Variants in RAB3C observed in about 807,000 individuals in gnomAD.
The protein encoded by RAB3C is RAB3C, member RAS oncogene family.
RAB3C carries 17 observed loss-of-function variants against 26.4 expected under a neutral mutation model. The ratio of observed to expected loss-of-function variants is 0.64; its 90% confidence interval spans 0.44 to 0.97. The LOEUF (loss-of-function observed/expected upper bound fraction) is 0.97, where lower values mean the gene tolerates loss of function less well. Ranked by LOEUF, RAB3C falls within the 50% of genes least tolerant of loss-of-function variation. The pLI is 0.00. For synonymous variants in RAB3C, 91 were observed against 95.9 expected, an observed-to-expected ratio of 0.95 and a Z score of 0.30; for missense variants, 242 against 281.9, an observed-to-expected ratio of 0.86 and a Z score of 1.01.
At chr5:58,651,456 G>T (rs1747646778) in intron 2 of RAB3C, among the ~76,000 whole-genome samples, 3 of 152,130 alleles carry the variant, frequency 2.0e-5, no homozygotes, top group Admixed American at 2.0e-4. Flanking sequence ...TAATACATTA[G>T]CATGAAATGT....
intron 3 of RAB3C, among the ~76,000 whole-genome samples, chr5:58,806,931 G>A (rs1742953544): frequency 1.3e-5 from 2 of 152,202 alleles, no homozygotes; most frequent in Admixed American, 1.3e-4. Flanking sequence ...CCATATGCCA[G>A]TGTCAAAGGA....
chr5:58,605,231 C>G (rs900409230), intron 1 of RAB3C, among the ~76,000 whole-genome samples: 1 of 152,120 alleles, frequency 6.6e-6, no homozygotes, highest in Non-Finnish European at 1.5e-5. Flanking sequence ...CTCAGAATTG[C>G]TGTTTTTTTC....
intron 2 of RAB3C, among the ~76,000 whole-genome samples, chr5:58,622,017 A>C (rs1046075498): frequency 6.6e-6 from 1 of 152,176 alleles, no homozygotes; most frequent in Non-Finnish European, 1.5e-5. Flanking sequence ...GATTTGCAAC[A>C]GTCTACATTC....
chr5:58,798,969 A>G (rs1249998741), intron 3 of RAB3C, among the ~76,000 whole-genome samples: 2 of 152,224 alleles, frequency 1.3e-5, no homozygotes, highest in Non-Finnish European at 2.9e-5. Context: ...AAACTGAAAG[A>G]CTGCTGAGAC....
At chr5:58,686,927 C>G (rs1006416405) in intron 2 of RAB3C, among the ~76,000 whole-genome samples, 1 of 151,968 alleles carries the variant, frequency 6.6e-6, no homozygotes, top group African/African-American at 2.4e-5. Flanking sequence ...GCAACGTTAC[C>G]AACTTTGATA....
intron 2 of RAB3C, among the ~76,000 whole-genome samples, chr5:58,673,984 T>C (rs1029273843): frequency 1.3e-5 from 2 of 152,200 alleles, no homozygotes; most frequent in African/African-American, 4.8e-5. Context: ...AATCAATAAT[T>C]GTTAAAGTAC....
At chr5:58,598,299 A>G (rs1178801060) in intron 1 of RAB3C, among the ~76,000 whole-genome samples, 1 of 151,124 alleles carries the variant, frequency 6.6e-6, no homozygotes, top group Non-Finnish European at 1.5e-5. Flanking sequence ...GATTCCCAAT[A>G]TTGAAATAAT....
chr5:58,630,272 T>A (rs1245733940), intron 2 of RAB3C, among the ~76,000 whole-genome samples: 3 of 152,240 alleles, frequency 2.0e-5, no homozygotes, highest in African/African-American at 7.2e-5. Context: ...TTACCTAACA[T>A]GTGTATTGTG....
chr5:58,583,917 T>C (rs985716147), intron 1 of RAB3C, among the ~76,000 whole-genome samples: 1 of 152,194 alleles, frequency 6.6e-6, no homozygotes, highest in Non-Finnish European at 1.5e-5. Flanking sequence ...TTTGTTTCCT[T>C]TGAGAAATGC....
At chr5:58,758,600 C>T (rs1741726353) in intron 3 of RAB3C, among the ~76,000 whole-genome samples, 1 of 152,044 alleles carries the variant, frequency 6.6e-6, no homozygotes, top group Non-Finnish European at 1.5e-5. Flanking sequence ...AAACAGGGTC[C>T]CTATCCTTAG....
intron 3 of RAB3C, chr5:58,823,012 T>C: frequency 1.6e-6 from 1 of 613,046 alleles, no homozygotes; most frequent in Non-Finnish European, 3.1e-6. Flanking sequence ...GAGCTGTTGA[T>C]AAAGGCTGTT....
At chr5:58,583,035 T>G (rs1745933646), upstream of RAB3C, 2 of 1,445,732 alleles carry the variant, frequency 1.4e-6, no homozygotes, top group Non-Finnish European at 1.8e-6. Context: ...ACGGGGCTCC[T>G]CGGCAGTACG....
At chr5:58,619,762 A>G (rs1200354077) in intron 2 of RAB3C, among the ~76,000 whole-genome samples, 2 of 152,158 alleles carry the variant, frequency 1.3e-5, no homozygotes, top group African/African-American at 4.8e-5. Flanking sequence ...TCTATCTTCA[A>G]TGTAAATCAG....
chr5:58,650,547 T>C (rs1222442672), intron 2 of RAB3C, among the ~76,000 whole-genome samples: 2 of 152,192 alleles, frequency 1.3e-5, no homozygotes, highest in Non-Finnish European at 2.9e-5. Context: ...TTCTGATACA[T>C]GTGATAATTG....
chr5:58,831,491 C>A (rs183225326), intron 4 of RAB3C, among the ~76,000 whole-genome samples: 20 of 152,292 alleles, frequency 1.3e-4, no homozygotes, highest in Admixed American at 1.2e-3. Flanking sequence ...TCTGGAAATT[C>A]TTGGTATCTC....
At chr5:58,648,941 T>C (rs1412385753) in intron 2 of RAB3C, among the ~76,000 whole-genome samples, 2 of 152,128 alleles carry the variant, frequency 1.3e-5, no homozygotes, top group Non-Finnish European at 2.9e-5. Flanking sequence ...GCTTCAAGAT[T>C]TCCCTGTTGT....
intron 2 of RAB3C, among the ~76,000 whole-genome samples, chr5:58,668,356 G>T (rs904135278): frequency 6.6e-6 from 1 of 152,124 alleles, no homozygotes; most frequent in African/African-American, 2.4e-5. Context: ...ATATGAGGGT[G>T]GGAGGTTAGG....
At chr5:58,700,926 T>C (rs889482259) in intron 2 of RAB3C, among the ~76,000 whole-genome samples, 3 of 152,136 alleles carry the variant, frequency 2.0e-5, no homozygotes, top group African/African-American at 7.2e-5. Flanking sequence ...GACCTCCAAA[T>C]AGTTGAAAGG....
intron 4 of RAB3C, among the ~76,000 whole-genome samples, chr5:58,826,145 G>A (rs1213838195): frequency 2.6e-5 from 4 of 152,072 alleles, no homozygotes; most frequent in African/African-American, 9.7e-5. Flanking sequence ...GTGATGGGAG[G>A]AAGATAAAGA....
Sources: allele counts gnomAD v4.1 joint callset (sites outside exome capture counted in the v4.1 genomes callset), GRCh38; gene constraint gnomAD v4.1.1; transcripts MANE v1.5; gene names NCBI Gene and HGNC (gene_info 2026-07-23, HGNC 2026-07-21).